Variants in FBXO42 observed in about 807,000 individuals in gnomAD.
FBXO42 encodes the protein F-box only protein 42.
Under a neutral mutation model 71.7 loss-of-function variants are expected in FBXO42, and 12 were observed. The observed-to-expected ratio is 0.17, with a 90% confidence interval of 0.11 to 0.27. The LOEUF (loss-of-function observed/expected upper bound fraction) is 0.27. Among genes scored for constraint, FBXO42 ranks in the 10% least tolerant of loss-of-function variants. The pLI is 1.00. For synonymous variants in FBXO42, 325 were observed against 327.5 expected, an observed-to-expected ratio of 0.99 and a Z score of 0.08; for missense variants, 707 against 911.9, an observed-to-expected ratio of 0.78 and a Z score of 2.89.
At position 16,326,849 on chromosome 1, in the gene FBXO42, A is replaced by C. The variant is rs769855069; in HGVS notation, c.-17-11414T>G. On this transcript the variant is annotated intron_variant, in intron 1 of 9. Transcript: ENST00000375592. ...CTAATAAAACATGGAGATGAGCTAC[A>C]TAAATGTCATCTAAGTAATGGCTAA... 3.5e-4 allele frequency among the ~76,000 whole-genome samples: 53 copies of C among 152,190 alleles called. 1 individual carries two copies. The highest frequency in any genetic ancestry group is 4.3e-4 in the Non-Finnish European group (29 of 68,038).
chr1:16,270,226 C>A (rs61769822), intron 4 of FBXO42, among the ~76,000 whole-genome samples: 41,434 of 151,914 alleles, frequency 0.27, 6,545 homozygotes, highest in Non-Finnish European at 0.37. Context: ...CGAATTAATC[C>A]ATTCTGCTGT....
chr1:16,290,852 C>T (rs2082069991), intron 4 of FBXO42, among the ~76,000 whole-genome samples: 1 of 152,168 alleles, frequency 6.6e-6, no homozygotes, highest in South Asian at 2.1e-4. Context: ...GTGAGAAATA[C>T]ATTTCTGCTG....
chr1:16,279,854 C>CTTTTTCTTTT (rs1553151075), intron 4 of FBXO42, among the ~76,000 whole-genome samples: 5 of 138,168 alleles, frequency 3.6e-5, no homozygotes, highest in African/African-American at 1.4e-4. Flanking sequence ...TTTTTTTTTT[C>CTTTTTCTTTT]TTTTTTTTTT....
intron 2 of FBXO42, among the ~76,000 whole-genome samples, chr1:16,312,523 G>C (rs960045953): frequency 1.3e-5 from 2 of 152,156 alleles, no homozygotes; most frequent in Non-Finnish European, 1.5e-5. Flanking sequence ...TGGAAGGAAA[G>C]GATAAACAGG....
chr1:16,320,959 A>C (rs955317638), intron 1 of FBXO42, among the ~76,000 whole-genome samples: 7 of 152,182 alleles, frequency 4.6e-5, no homozygotes, highest in Non-Finnish European at 8.8e-5. Flanking sequence ...TTGACAGACT[A>C]TAAGCCTAAG....
At chr1:16,333,441 C>G (rs990285235) in intron 1 of FBXO42, among the ~76,000 whole-genome samples, 13 of 137,314 alleles carry the variant, frequency 9.5e-5, no homozygotes, top group Non-Finnish European at 1.6e-5. Context: ...GTGAGACCCC[C>G]CCCCCCCATT....
At chr1:16,339,218 C>T (rs2082580610) in intron 1 of FBXO42, among the ~76,000 whole-genome samples, 1 of 152,176 alleles carries the variant, frequency 6.6e-6, no homozygotes, top group African/African-American at 2.4e-5. Flanking sequence ...CATCACAAGT[C>T]ATTTCCTACT....
chr1:16,314,356 TCAGAGA>T (rs1430494315), intron 2 of FBXO42, among the ~76,000 whole-genome samples: 2 of 152,208 alleles, frequency 1.3e-5, no homozygotes, highest in Non-Finnish European at 2.9e-5. Context: ...AAGTAGCTAC[TCAGAGA>T]CAATCTGTAG....
intron 3 of FBXO42, among the ~76,000 whole-genome samples, chr1:16,299,502 G>A (rs1323964203): frequency 6.6e-6 from 1 of 152,170 alleles, no homozygotes; most frequent in African/African-American, 2.4e-5. Flanking sequence ...AAAATGGCAA[G>A]TTTCACACAC....
intron 1 of FBXO42, among the ~76,000 whole-genome samples, chr1:16,335,677 C>A (rs1488645651): frequency 6.6e-6 from 1 of 151,828 alleles, no homozygotes; most frequent in Non-Finnish European, 1.5e-5. Context: ...ACCAGCCTGG[C>A]CAGCATGGTG....
chr1:16,253,982 G>T (rs1009142247), intron 6 of FBXO42, among the ~76,000 whole-genome samples: 5 of 152,202 alleles, frequency 3.3e-5, no homozygotes, highest in African/African-American at 1.2e-4. Context: ...CTCTAACTCT[G>T]ACTTTATCTC....
intron 4 of FBXO42, among the ~76,000 whole-genome samples, chr1:16,288,428 C>T (rs1248113204): frequency 6.8e-6 from 1 of 147,986 alleles, no homozygotes; most frequent in Admixed American, 6.7e-5. Flanking sequence ...GACTCCATCT[C>T]AAAAAAAATA....
chr1:16,285,800 C>G (rs2082015947), intron 4 of FBXO42, among the ~76,000 whole-genome samples: 1 of 152,186 alleles, frequency 6.6e-6, no homozygotes, highest in Admixed American at 6.6e-5. Context: ...CTGGGTGCTC[C>G]TTTTCGAGTC....
intron 1 of FBXO42, among the ~76,000 whole-genome samples, chr1:16,343,266 AG>A (rs1345519235): frequency 1.3e-5 from 2 of 152,224 alleles, no homozygotes; most frequent in African/African-American, 4.8e-5. Context: ...ACTGCAGGCT[AG>A]GCGCAGTGGC....
intron 4 of FBXO42, among the ~76,000 whole-genome samples, chr1:16,262,465 G>A (rs2081724946): frequency 6.6e-6 from 1 of 152,140 alleles, no homozygotes; most frequent in Admixed American, 6.5e-5. Context: ...CTAGCACTTT[G>A]GGAGGTCAAG....
At chr1:16,314,585 T>C (rs1373901963) in intron 2 of FBXO42, among the ~76,000 whole-genome samples, 1 of 152,230 alleles carries the variant, frequency 6.6e-6, no homozygotes, top group Non-Finnish European at 1.5e-5. Context: ...TGGCTATTAC[T>C]ATTATCCCAT....
chr1:16,268,909 C>T (rs922005921), intron 4 of FBXO42, among the ~76,000 whole-genome samples: 2 of 150,538 alleles, frequency 1.3e-5, no homozygotes, highest in Admixed American at 6.6e-5. Flanking sequence ...TACTTGAACC[C>T]GGGATTCTCC....
At chr1:16,283,929 A>T (rs1484432217) in intron 4 of FBXO42, among the ~76,000 whole-genome samples, 2 of 152,168 alleles carry the variant, frequency 1.3e-5, no homozygotes, top group African/African-American at 4.8e-5. Flanking sequence ...TTCTATCTTG[A>T]TTTAAAGTAA....
At chr1:16,307,276 A>G (rs1189896802) in intron 2 of FBXO42, among the ~76,000 whole-genome samples, 1 of 152,162 alleles carries the variant, frequency 6.6e-6, no homozygotes, top group Non-Finnish European at 1.5e-5. Context: ...AAGCAGAAGG[A>G]TAGCTTGAAG....
Sources: allele counts gnomAD v4.1 joint callset (sites outside exome capture counted in the v4.1 genomes callset), GRCh38; gene constraint gnomAD v4.1.1; transcripts MANE v1.5; gene names NCBI Gene and HGNC (gene_info 2026-07-23, HGNC 2026-07-21).